ENAM: variants seen among roughly 807,000 people sequenced by gnomAD.
ENAM encodes amelogenesis imperfecta 2, hypocalcification (autosomal dominant).
ENAM carries 21 observed loss-of-function variants against 33.6 expected under a neutral mutation model. The observed-to-expected ratio is 0.63, with a 90% CI of 0.44 to 0.90. The LOEUF (loss-of-function observed/expected upper bound fraction) is 0.90. Among genes scored for constraint, ENAM ranks in the 40% least tolerant of loss-of-function variants. The probability of loss-of-function intolerance (pLI) is 0.00; values close to 1 mark genes in which losing one functional copy is unlikely to be tolerated. For missense variants in ENAM, 1,388 were observed against 1,366.9 expected (o/e 1.02, Z -0.24); for synonymous variants, 473 against 468.4 (o/e 1.01, Z -0.13).
In ENAM at chr4:70,642,174, G is replaced by A; in HGVS notation, c.748G>A (p.Glu250Lys). 1 of 1,614,178 alleles carries A rather than the reference G, an allele frequency of 6.2e-7. No individual in the cohort carries two copies. The highest frequency in any genetic ancestry group is 1.3e-5 in the African/African-American group (1 of 75,058). The part of the protein sequence containing the change: ...TEPTANSTVT[E>K]TNSTQPNPKG... ...ACCCACAGCTAATTCAACAGTCACT[G>A]AGACGAATTCTACCCAACCAAATCC... The change falls in exon 9 of 9, where the codon GAG (glutamate) becomes AAG (lysine). Residue 250 changes from glutamate to lysine, a missense_variant. Physicochemically the swap from Glu to Lys is moderately conservative, Grantham distance 56. Transcript: ENST00000396073.
chr4:70,630,780 C>A (rs1001450653), intron 2 of ENAM, among the ~76,000 whole-genome samples: 10 of 150,488 alleles, frequency 6.6e-5, no homozygotes, highest in African/African-American at 2.4e-4. Context: ...CTCACTCTGT[C>A]GCCCAGGCTG....
At chr4:70,631,488 T>G (rs1738318592) in intron 2 of ENAM, among the ~76,000 whole-genome samples, 182 bp from the exon 3 acceptor site, 1 of 152,100 alleles carries the variant, frequency 6.6e-6, no homozygotes, top group African/African-American at 2.4e-5. Flanking sequence ...TTTGGCAGCT[T>G]GAAAAGTACC....
At chr4:70,630,005 G>T (rs1354667380) in intron 2 of ENAM, among the ~76,000 whole-genome samples, 1 of 152,114 alleles carries the variant, frequency 6.6e-6, no homozygotes, top group East Asian at 1.9e-4. Context: ...ATTTAGCAAA[G>T]AAAGCTTTCA....
Position 70,634,186 on chromosome 4 carries a change from GT to G in ENAM, c.211-120del. ...AACTAAAGATCTGGAAGCTTCCATA[GT>G]TAAGTCAAGTTCCAGGACTTTTAAG... is the stretch of plus-strand genomic sequence containing the variant. On this transcript the variant is annotated intron_variant, in intron 5 of 8. Coordinates refer to ENST00000396073, the MANE Select transcript of ENAM (RefSeq NM_031889.3). The G allele has an allele frequency of 4.3e-6, 4 of 929,926 alleles. No homozygotes were observed. In the South Asian group the frequency reaches 5.2e-5, roughly 12 times the overall value. 57.6% of individuals were successfully genotyped at this position (929,926 alleles called of 1,614,324 possible).
At chr4:70,640,236 T>C (rs967988174) in intron 8 of ENAM, among the ~76,000 whole-genome samples, 3 of 152,004 alleles carry the variant, frequency 2.0e-5, no homozygotes, top group Non-Finnish European at 4.4e-5. Context: ...CCCAGGAAAA[T>C]AGGAAACTGA....
Position 70,631,862 on chromosome 4 carries a change from G to T in ENAM, c.137G>T (p.Arg46Leu), listed in dbSNP as rs776293682. 1 of 1,613,988 alleles carries T rather than the reference G, an allele frequency of 6.2e-7. No individual in the cohort carries two copies. The highest frequency in any genetic ancestry group is 8.5e-7 in the Non-Finnish European group (1 of 1,179,918). The change falls in exon 4 of 9, where the codon CGA (arginine) becomes CTA (leucine). Residue 46 changes from arginine to leucine, a missense_variant. By Grantham distance (102) the Arg-to-Leu change is moderately radical. Coordinates refer to ENST00000396073, the MANE Select transcript of ENAM (RefSeq NM_031889.3). Reference protein sequence around the residue: ...NSVAMPMHMPRMPGFSSKSEE... With the variant: ...NSVAMPMHMPLMPGFSSKSEE... The stretch of plus-strand genomic sequence containing the variant: ...TCTTACTTCCAGATGCACATGCCCC[G>T]AATGCCTGGATTTAGCAGTAAAAGT...
At chr4:70,638,933 G>A (rs924398601) in intron 8 of ENAM, among the ~76,000 whole-genome samples, 1 of 151,716 alleles carries the variant, frequency 6.6e-6, no homozygotes, top group South Asian at 2.1e-4. Context: ...GAGTAGCTGA[G>A]ATTACAGGTG....
Position 70,634,530 on chromosome 4 carries a change from A to T in ENAM, c.433A>T (p.Asn145Tyr). ...GCGGCCTTTGAAGCAGCCATCACAT[A>T]ATCAACCTCAGCCCGAAGAGGAAGC... ...QKRPLKQPSH[N>Y]QPQPEEEAQP... The change falls in exon 6 of 9, where the codon AAT becomes TAT. Residue 145 changes from asparagine to tyrosine, a missense_variant. Coordinates refer to ENST00000396073, the MANE Select transcript of ENAM (RefSeq NM_031889.3). 2 of 1,614,130 alleles carry T rather than the reference A, an allele frequency of 1.2e-6. No homozygotes were observed. Among genetic ancestry groups the T allele is most frequent in the Non-Finnish European group, 1.7e-6 (2 of 1,180,002 alleles).
At position 70,644,455 on chromosome 4, in the gene ENAM, G is replaced by A; in HGVS notation, c.3029G>A (p.Arg1010Lys). ...TTTGAAGACAACCAGCTCAATGAAA[G>A]AACTGTTGACCTTACTCCTGAGCAG... The part of the protein sequence containing the change: ...QVFEDNQLNE[R>K]TVDLTPEQLV... Residue 1010 changes from arginine (R) to lysine (K), a missense_variant, in exon 9 of 9, where the codon AGA becomes AAA. Coordinates refer to ENST00000396073, the MANE Select transcript of ENAM (RefSeq NM_031889.3). 6.2e-7 allele frequency: 1 copy of A among 1,614,130 alleles called. No homozygotes were observed. Among genetic ancestry groups the A allele is most frequent in the Non-Finnish European group, 8.5e-7 (1 of 1,180,020 alleles).
At chr4:70,634,621 G>C in intron 6 of ENAM, 53 bp downstream of exon 6, 2 of 1,559,654 alleles carry the variant, frequency 1.3e-6, no homozygotes, top group Non-Finnish European at 1.8e-6. Flanking sequence ...GGAGAGATTT[G>C]GAGGGCCATG....
chr4:70,638,814 A>T, intron 8 of ENAM, among the ~76,000 whole-genome samples: 2 of 142,806 alleles, frequency 1.4e-5, no homozygotes. Flanking sequence ...TTTTTGTAAG[A>T]CAGAGTCTCG....
Position 70,644,691 on chromosome 4 carries a change from C to T in ENAM, c.3265C>T (p.Pro1089Ser), listed in dbSNP as rs1560406217. Residue 1089 changes from proline to serine, a missense_variant, in exon 9 of 9, where the codon CCT becomes TCT. Transcript: ENST00000396073. ...QSPFDGDSIT[P>S]TENPNTLVEL... Reference sequence around the variant, plus strand: ...CCCATTTGATGGGGATTCAATTACGCCTACTGAAAATCCTAACACATTGGT... The same window carrying T: ...CCCATTTGATGGGGATTCAATTACGTCTACTGAAAATCCTAACACATTGGT... 6.2e-7 allele frequency: 1 copy of T among 1,614,156 alleles called. No homozygotes were observed. The highest frequency in any genetic ancestry group is 2.2e-5 in the East Asian group (1 of 44,878).
rs7671281 is a variant in ENAM at position 70,643,369 on chromosome 4, T to C, written c.1943T>C (p.Ile648Thr). The part of the protein sequence containing the change: ...YPINTPDQKE[I>T]VPYNEEDPVD... Reference sequence around the variant, plus strand: ...ATAAATACCCCAGACCAGAAGGAGATAGTCCCTTATAATGAAGAGGACCCA... The same window carrying C: ...ATAAATACCCCAGACCAGAAGGAGACAGTCCCTTATAATGAAGAGGACCCA... Residue 648 changes from isoleucine to threonine, a missense_variant, in exon 9 of 9, where the codon ATA becomes ACA. Transcript: ENST00000396073. The C allele has an allele frequency of 0.064, 103,244 of 1,613,738 alleles. 9,962 individuals carry two copies. The highest frequency in any genetic ancestry group is 0.46 in the African/African-American group (34,245 of 74,890).
rs775325577 is a variant in ENAM, at chr4:70,642,158, T to A, written c.732T>A (p.Ala244=). 1 of 1,614,176 alleles carries A rather than the reference T, an allele frequency of 6.2e-7. No individual in the cohort carries two copies. The highest frequency in any genetic ancestry group is 8.5e-7 in the Non-Finnish European group (1 of 1,180,028). The stretch of plus-strand genomic sequence containing the variant: ...AAAGTCCAGGCACAGAACCCACAGC[T>A]AATTCAACAGTCACTGAGACGAATT... ...KAESPGTEPT[A]NSTVTETNST... is the part of the protein sequence containing the mutation. Residue 244 remains alanine, a synonymous_variant, in exon 9 of 9, where the codon GCT becomes GCA. Transcript: ENST00000396073.
rs113185287 is a variant in ENAM, at chr4:70,642,565, A to G, written c.1139A>G (p.His380Arg). Residue 380 changes from histidine (H) to arginine (R), a missense_variant, in exon 9 of 9, where the codon CAC (histidine) becomes CGC (arginine). By Grantham distance (29) the His-to-Arg change is conservative (BLOSUM62 0). Transcript: ENST00000396073. ...QVARPGNPVY[H>R]KAYPPTSRGN... ...GCTCGTCCAGGAAATCCAGTTTATC[A>G]CAAAGCTTACCCTCCTACTTCAAGA... 1.9e-6 allele frequency: 3 copies of G among 1,614,068 alleles called. No homozygotes were observed. The highest frequency in any genetic ancestry group is 1.7e-4 in the Middle Eastern group (1 of 6,060).
Position 70,644,943 on chromosome 4 carries a change from TTAAG to T in ENAM, c.*90_*93del. ...CCAAAATTTTTTCCCCAAGACTTAA[TTAAG>T]TGTCTGACTGTCTTGGTGATCCTTA... On this transcript the variant is annotated 3_prime_UTR_variant, in exon 9 of 9. Transcript: ENST00000396073. 2 of 1,089,308 alleles carry T rather than the reference TTAAG, an allele frequency of 1.8e-6. No homozygotes were observed. Among genetic ancestry groups the T allele is most frequent in the East Asian group, 2.4e-5 (1 of 41,590 alleles). 67.5% of individuals were successfully genotyped at this position (1,089,308 alleles called of 1,614,324 possible).
rs113540375 is a variant in ENAM at position 70,644,041 on chromosome 4, G to T, written c.2615G>T (p.Gly872Val). 1.2e-6 allele frequency: 2 copies of T among 1,614,008 alleles called. No homozygotes were observed. The highest frequency in any genetic ancestry group is 1.7e-4 in the Middle Eastern group (1 of 6,060). Residue 872 changes from glycine to valine, a missense_variant, in exon 9 of 9, where the codon GGC (glycine) becomes GTC (valine). Transcript: ENST00000396073. ...EAHLFHLSQR[G>V]SCCAGSSTGP... The stretch of plus-strand genomic sequence containing the variant: ...CATTTATTTCACCTAAGCCAGAGAG[G>T]CTCTTGCTGTGCTGGTAGCTCCACA...
At chr4:70,632,565 G>A in intron 4 of ENAM, 86 bp from the exon 5 acceptor site, 1 of 1,058,040 alleles carries the variant, frequency 9.5e-7, no homozygotes, top group Non-Finnish European at 1.5e-6. Flanking sequence ...GTTAAAAAAA[G>A]AAATTTTACT....
At chr4:70,629,607 C>A in intron 2 of ENAM, 53 bp downstream of exon 2, 1 of 1,306,006 alleles carries the variant, frequency 7.7e-7, no homozygotes, top group Non-Finnish European at 1.1e-6. Context: ...AAACTAGATA[C>A]TGTCAGAAAT....
Sources: allele counts gnomAD v4.1 joint callset (sites outside exome capture counted in the v4.1 genomes callset), GRCh38; gene constraint gnomAD v4.1.1; transcripts MANE v1.5; gene names NCBI Gene and HGNC (gene_info 2026-07-23, HGNC 2026-07-21).